The following NBEA variants were observed in gnomAD, a reference collection of about 807,000 sequenced individuals.
The protein encoded by NBEA is neurobeachin, also known as lysosomal-trafficking regulator 2.
A neutral mutation model predicts 343.4 loss-of-function variants in NBEA; 44 were observed. The ratio of observed to expected loss-of-function variants is 0.13; its 90% CI spans 0.10 to 0.16. The LOEUF is 0.16. Ranked by LOEUF, NBEA falls within the 10% of genes least tolerant of loss-of-function variation. The pLI is 1.00. For synonymous variants in NBEA, 1,175 were observed against 1,238.7 expected (o/e 0.95, Z 1.08); for missense variants, 2,555 against 3,631.3 (o/e 0.70, Z 7.62).
chr13:35,398,371 G>A (rs1232456589), intron 38 of NBEA, among the ~76,000 whole-genome samples: 1 of 152,094 alleles, frequency 6.6e-6, no homozygotes. Context: ...GTTCTTAATG[G>A]CATTGAGAAT....
chr13:35,204,445 G>GATAAACCC (rs1382224492), intron 31 of NBEA, among the ~76,000 whole-genome samples: 2 of 152,088 alleles, frequency 1.3e-5, no homozygotes, highest in Non-Finnish European at 2.9e-5. Flanking sequence ...GGAAACCCCT[G>GATAAACCC]ATAAACCCAT....
chr13:35,524,954 C>T (rs1414588241), intron 41 of NBEA, among the ~76,000 whole-genome samples: 1 of 151,964 alleles, frequency 6.6e-6, no homozygotes, highest in African/African-American at 2.4e-5. Context: ...TATTCTGGTC[C>T]CCATTGTGGA....
At chr13:35,045,456 A>C in intron 4 of NBEA, 55 bp downstream of exon 4, 5 of 1,363,352 alleles carry the variant, frequency 3.7e-6, no homozygotes, top group Non-Finnish European at 5.1e-6. Flanking sequence ...GGTCACCTTT[A>C]GTAAGGTTTA....
intron 10 of NBEA, among the ~76,000 whole-genome samples, chr13:35,071,862 T>C (rs1456796224): frequency 6.6e-6 from 1 of 152,102 alleles, no homozygotes; most frequent in African/African-American, 2.4e-5. Flanking sequence ...AAAGTATAAA[T>C]CTAAATATGG....
intron 49 of NBEA, among the ~76,000 whole-genome samples, chr13:35,641,688 T>C (rs2083956700): frequency 6.6e-6 from 1 of 152,112 alleles, no homozygotes. Flanking sequence ...GGGGGAATAA[T>C]TGGCTGGGGA....
At chr13:35,166,397 C>T (rs185003427) in intron 24 of NBEA, among the ~76,000 whole-genome samples, 10 of 152,166 alleles carry the variant, frequency 6.6e-5, no homozygotes, top group Admixed American at 2.6e-4. Context: ...AAGATACTGA[C>T]GCTTTGAGGT....
chr13:35,648,326 G>A (rs1248362342), intron 51 of NBEA, among the ~76,000 whole-genome samples: 1 of 151,834 alleles, frequency 6.6e-6, no homozygotes, highest in Non-Finnish European at 1.5e-5. Context: ...ACCAAGCTCA[G>A]GCTGTTGCCG....
chr13:35,420,793 T>C (rs571766672), intron 38 of NBEA, among the ~76,000 whole-genome samples: 41 of 152,094 alleles, frequency 2.7e-4, no homozygotes, highest in Non-Finnish European at 4.4e-4. Context: ...GTAGAGTCTT[T>C]CACAGTATCC....
chr13:35,323,333 G>A (rs1320988744), intron 36 of NBEA, among the ~76,000 whole-genome samples: 1 of 152,016 alleles, frequency 6.6e-6, no homozygotes, highest in East Asian at 1.9e-4. Context: ...AACAATGATA[G>A]ACTGGATTAA....
Position 35,144,268 on chromosome 13 carries a change from G to A in NBEA, c.2445+1891G>A, listed in dbSNP as rs112339307. Among the ~76,000 whole-genome samples the A allele has an allele frequency of 4.1e-4, 62 of 152,178 alleles. 1 individual carries two copies. Among genetic ancestry groups the A allele is most frequent in the African/African-American group, 1.4e-3 (57 of 41,518 alleles). ...AATTTCTTCTAACCAAGGGATGGATGGAATATTCATAAAGATTACAGTAAA... is the reference window on the plus strand; with the variant it reads ...AATTTCTTCTAACCAAGGGATGGATAGAATATTCATAAAGATTACAGTAAA... On this transcript the variant is annotated intron_variant, in intron 18 of 58. Transcript: ENST00000379939.
intron 49 of NBEA, among the ~76,000 whole-genome samples, chr13:35,629,546 A>G (rs182072622): frequency 1.0e-3 from 156 of 152,270 alleles, no homozygotes; most frequent in Non-Finnish European, 1.7e-3. Context: ...GCAATATTGT[A>G]CCATATTGTG....
intron 35 of NBEA, among the ~76,000 whole-genome samples, chr13:35,295,662 AT>A (rs1377314179): frequency 1.3e-5 from 2 of 152,200 alleles, no homozygotes; most frequent in Non-Finnish European, 2.9e-5. Context: ...AAATGTAGAC[AT>A]TTTAAAGGAA....
chr13:35,128,748 A>C (rs1374189819), intron 17 of NBEA, among the ~76,000 whole-genome samples: 1 of 152,192 alleles, frequency 6.6e-6, no homozygotes, highest in Non-Finnish European at 1.5e-5. Context: ...GAATCATCAA[A>C]CTGTGTACCC....
intron 35 of NBEA, among the ~76,000 whole-genome samples, chr13:35,295,371 A>G (rs1356076767): frequency 1.3e-5 from 2 of 151,916 alleles, no homozygotes; most frequent in Non-Finnish European, 2.9e-5. Context: ...ATTTTCTAAT[A>G]TCTAAGAAAT....
chr13:35,282,377 A>C (rs188688712), intron 34 of NBEA, among the ~76,000 whole-genome samples: 2 of 151,852 alleles, frequency 1.3e-5, no homozygotes, highest in East Asian at 3.9e-4. Flanking sequence ...CATTCTTAAT[A>C]ATTATTTAGG....
chr13:35,325,191 A>G (rs936611919), intron 36 of NBEA, among the ~76,000 whole-genome samples: 1 of 152,068 alleles, frequency 6.6e-6, no homozygotes, highest in African/African-American at 2.4e-5. Context: ...CTTCAAAACA[A>G]TCGATTATAC....
chr13:35,144,654 T>C (rs1028510243), intron 18 of NBEA, among the ~76,000 whole-genome samples: 6 of 152,188 alleles, frequency 3.9e-5, no homozygotes, highest in African/African-American at 9.7e-5. Context: ...CTTATTCTTA[T>C]GGGCTGATGA....
chr13:35,085,455 G>T (rs1451077249), intron 10 of NBEA, among the ~76,000 whole-genome samples: 3 of 152,032 alleles, frequency 2.0e-5, no homozygotes, highest in Non-Finnish European at 4.4e-5. Flanking sequence ...ATGTAATCCA[G>T]CATATGAACA....
intron 36 of NBEA, among the ~76,000 whole-genome samples, chr13:35,348,496 G>A (rs2152862444): frequency 6.6e-6 from 1 of 152,038 alleles, no homozygotes; most frequent in African/African-American, 2.4e-5. Flanking sequence ...TCCTAAATAA[G>A]TAACTTCTGT....
Sources: allele counts gnomAD v4.1 joint callset (sites outside exome capture counted in the v4.1 genomes callset), GRCh38; gene constraint gnomAD v4.1.1; transcripts MANE v1.5; gene names NCBI Gene and HGNC (gene_info 2026-07-23, HGNC 2026-07-21).